Variants in GBX1 observed in about 807,000 individuals in gnomAD.
The protein encoded by GBX1 is homeobox protein GBX-1.
A neutral mutation model predicts 22.9 loss-of-function variants in GBX1; 9 were observed. The ratio of observed to expected loss-of-function variants is 0.39; its 90% CI spans 0.24 to 0.69. The LOEUF (loss-of-function observed/expected upper bound fraction) is 0.69, where lower values mean the gene tolerates loss of function less well. Ranked by LOEUF, GBX1 falls within the 30% of genes least tolerant of loss-of-function variation. The probability of loss-of-function intolerance (pLI) is 0.43; values close to 1 mark genes in which losing one functional copy is unlikely to be tolerated. For missense variants in GBX1, 494 were observed against 509.2 expected, an observed-to-expected ratio of 0.97 and a Z score of 0.29; for synonymous variants, 203 against 227.3, an observed-to-expected ratio of 0.89 and a Z score of 0.96.
At position 151,149,257 on chromosome 7, in the gene GBX1, AAAG is replaced by A; in HGVS notation, c.539-118_539-116del. The stretch of plus-strand genomic sequence containing the variant: ...GGGGTTGGGAGACAAGAGCAGGAAA[AAAG>A]AGAGCCATGGAGAGGAGAAGATGGG... On this transcript the variant is annotated intron_variant, in intron 1 of 1. Coordinates refer to ENST00000297537, the MANE Select transcript of GBX1 (RefSeq NM_001098834.3). The A allele has an allele frequency of 4.1e-6, 4 of 974,778 alleles. No individual in the cohort carries two copies. The South Asian group carries it at 6.4e-5, about 16-fold the overall frequency. 60.4% of individuals were successfully genotyped at this position (974,778 alleles called of 1,614,324 possible).
chr7:151,153,847 G>A (rs994874117), intron 1 of GBX1, among the ~76,000 whole-genome samples: 2 of 152,020 alleles, frequency 1.3e-5, no homozygotes, highest in African/African-American at 4.8e-5. Context: ...ACAGGTGTGA[G>A]CCACCATGGC....
At position 151,148,528 on chromosome 7, in the gene GBX1, GAC is replaced by G. The variant is rs1801039271; in HGVS notation, c.*59_*60del. 1 of 1,489,464 alleles carries G rather than the reference GAC, an allele frequency of 6.7e-7. No homozygotes were observed. The highest frequency in any genetic ancestry group is 9.1e-7 in the Non-Finnish European group (1 of 1,094,022). The allele number at this position is 1,489,464 out of a possible 1,614,324, so 92.3% of individuals were successfully genotyped here. A position where few individuals can be genotyped will look rare whatever the true frequency, so the allele number is the denominator to read the frequency against. On this transcript the variant is annotated 3_prime_UTR_variant, in exon 2 of 2. Transcript: ENST00000297537. The surrounding 1 kb of genome is among the most constrained non-coding windows in gnomAD (Gnocchi z 5.1). ...CAGCCCCTCTGGTCCACAGAACCCT[GAC>G]AGTCTCAGAGCAGGCTCAGGTACAG...
intron 1 of GBX1, among the ~76,000 whole-genome samples, chr7:151,160,805 CA>C: frequency 6.6e-6 from 1 of 152,078 alleles, no homozygotes; most frequent in Non-Finnish European, 1.5e-5. Context: ...CTCAGACTTC[CA>C]AAAAAAATTT....
chr7:151,149,663 G>C (rs533339080), intron 1 of GBX1: 1 of 299,876 alleles, frequency 3.3e-6, no homozygotes, highest in East Asian at 1.1e-4. Context: ...CAGGACAGAC[G>C]GGGAGAGAAG....
chr7:151,158,015 T>G (rs1801154305), intron 1 of GBX1, among the ~76,000 whole-genome samples: 1 of 152,148 alleles, frequency 6.6e-6, no homozygotes, highest in Non-Finnish European at 1.5e-5. Flanking sequence ...GGAGCCAGGT[T>G]GGGAGCAAAA....
intron 1 of GBX1, among the ~76,000 whole-genome samples, chr7:151,160,659 T>G (rs188797566): frequency 6.6e-6 from 1 of 152,324 alleles, no homozygotes; most frequent in Non-Finnish European, 1.5e-5. Flanking sequence ...TACACCTGAA[T>G]TCAACTTGTG....
intron 1 of GBX1, among the ~76,000 whole-genome samples, chr7:151,152,186 A>C (rs1416393208): frequency 6.6e-6 from 1 of 152,204 alleles, no homozygotes; most frequent in Non-Finnish European, 1.5e-5. Context: ...GACTAAATAA[A>C]AGAAACGATT....
At chr7:151,154,414 G>A (rs1012625006) in intron 1 of GBX1, among the ~76,000 whole-genome samples, 1 of 152,204 alleles carries the variant, frequency 6.6e-6, no homozygotes, top group Non-Finnish European at 1.5e-5. Flanking sequence ...AAACTATTTT[G>A]TTGTGCTAGG....
At chr7:151,152,787 C>T (rs558660399) in intron 1 of GBX1, among the ~76,000 whole-genome samples, 61 of 152,308 alleles carry the variant, frequency 4.0e-4, no homozygotes, top group African/African-American at 1.4e-3. Flanking sequence ...CGGCCACCCT[C>T]AGTGCTGCTT....
Position 151,167,174 on chromosome 7 carries a change from A to AGCG in GBX1, c.372_374dup (p.Ala130dup), listed in dbSNP as rs755035910. On this transcript the variant is annotated inframe_insertion, in exon 1 of 2. Transcript: ENST00000297537. The surrounding 1 kb of genome is among the most constrained non-coding windows in gnomAD (Gnocchi z 5.9). Reference sequence around the variant, plus strand: ...GGGCGGCAGTGGCGGCGGCGGCGGCAGCGGCGGCGGCGAGCTCCTGGGGCC... The same window carrying AGCG: ...GGGCGGCAGTGGCGGCGGCGGCGGCAGCGGCGGCGGCGGCGAGCTCCTGGGGCC... The AGCG allele has an allele frequency of 4.4e-5, 70 of 1,579,390 alleles. No individual in the cohort carries two copies. The highest frequency in any genetic ancestry group is 1.8e-4 in the Middle Eastern group (1 of 5,434).
At chr7:151,161,787 A>T (rs1402562813) in intron 1 of GBX1, among the ~76,000 whole-genome samples, 1 of 152,162 alleles carries the variant, frequency 6.6e-6, no homozygotes, top group Admixed American at 6.5e-5. Flanking sequence ...ATTTTCTCCC[A>T]CCCATAGCTA....
At chr7:151,156,550 T>C (rs1168552232) in intron 1 of GBX1, among the ~76,000 whole-genome samples, 1 of 152,130 alleles carries the variant, frequency 6.6e-6, no homozygotes. Flanking sequence ...GACGTTTCAC[T>C]CACCAAACTT....
At chr7:151,150,606 T>C (rs1421220682) in intron 1 of GBX1, among the ~76,000 whole-genome samples, 2 of 152,206 alleles carry the variant, frequency 1.3e-5, no homozygotes, top group Non-Finnish European at 1.5e-5. Context: ...CAGAGCTTCC[T>C]GGTGTTCTCC....
chr7:151,156,317 C>T (rs541374993), intron 1 of GBX1, among the ~76,000 whole-genome samples: 128 of 123,552 alleles, frequency 1.0e-3, no homozygotes, highest in Non-Finnish European at 1.5e-3. Flanking sequence ...AACTTGAGAG[C>T]GGAGGTTGCA....
At chr7:151,155,658 T>C (rs1801125683) in intron 1 of GBX1, among the ~76,000 whole-genome samples, 1 of 152,150 alleles carries the variant, frequency 6.6e-6, no homozygotes. Flanking sequence ...TCATGACAAG[T>C]TCAGGGCAAT....
chr7:151,162,605 T>A (rs1801197491), intron 1 of GBX1, among the ~76,000 whole-genome samples: 1 of 152,208 alleles, frequency 6.6e-6, no homozygotes, highest in African/African-American at 2.4e-5. Flanking sequence ...AAACTACAAA[T>A]GTTTTCTTCA....
chr7:151,165,854 A>C (rs1022463179), intron 1 of GBX1, among the ~76,000 whole-genome samples: 7 of 152,228 alleles, frequency 4.6e-5, no homozygotes, highest in African/African-American at 1.7e-4. Flanking sequence ...ATCAAGAATT[A>C]TCTCTGCTGG....
chr7:151,158,652 G>T (rs1166730686), intron 1 of GBX1, among the ~76,000 whole-genome samples: 1 of 152,040 alleles, frequency 6.6e-6, no homozygotes, highest in African/African-American at 2.4e-5. Flanking sequence ...TTTCCTGGCA[G>T]TCCCCGAATA....
chr7:151,164,411 T>C (rs1223473347), intron 1 of GBX1, among the ~76,000 whole-genome samples: 2 of 152,210 alleles, frequency 1.3e-5, no homozygotes, highest in African/African-American at 4.8e-5. Context: ...ATTATGTCTC[T>C]CATTTCTGGA....
Sources: allele counts gnomAD v4.1 joint callset (sites outside exome capture counted in the v4.1 genomes callset), GRCh38; gene constraint gnomAD v4.1.1; non-coding constraint Gnocchi (gnomAD v3.1); transcripts MANE v1.5; gene names NCBI Gene and HGNC (gene_info 2026-07-23, HGNC 2026-07-21).